BPIFA3: variants seen among roughly 807,000 people sequenced by gnomAD.
BPIFA3 encodes the protein BPI fold containing family A member 3.
In BPIFA3, 32 loss-of-function variants were observed where a neutral mutation model predicts 29.7. The observed-to-expected ratio is 1.08, with a 90% CI of 0.81 to 1.45. The LOEUF (loss-of-function observed/expected upper bound fraction) is 1.45, where lower values mean the gene tolerates loss of function less well. Among genes scored for constraint, BPIFA3 ranks in the 40% most tolerant of loss-of-function variants. The pLI, the probability that BPIFA3 is intolerant of heterozygous loss-of-function variation, is 0.00. For missense variants in BPIFA3, 323 were observed against 311.3 expected, an observed-to-expected ratio of 1.04 and a Z score of -0.28; for synonymous variants, 112 against 113.7, an observed-to-expected ratio of 0.98 and a Z score of 0.10.
chr20:33,224,499 C>A (rs753757341), intron 3 of BPIFA3, 37 bp downstream of exon 3: 2 of 1,506,036 alleles, frequency 1.3e-6, no homozygotes, highest in East Asian at 2.3e-5. Context: ...GAGGTGCTGG[C>A]CCTCCTCGCA....
At chr20:33,225,427 C>A in intron 4 of BPIFA3, 180 bp downstream of exon 4, 1 of 765,014 alleles carries the variant, frequency 1.3e-6, no homozygotes, top group African/African-American at 1.8e-5. Flanking sequence ...AGAAGCCAGA[C>A]TCTTCTCCCT....
chr20:33,223,746 G>A lies in BPIFA3; in HGVS notation c.128-65G>A, dbSNP rs541528581. On this transcript the variant is annotated intron_variant, in intron 1 of 6. Coordinates refer to ENST00000375454, the MANE Select transcript of BPIFA3 (RefSeq NM_178466.5). Reference sequence around the variant, plus strand: ...GCACCAGCCTGCAACCCAGGCCTCCGAATCCCAAGCCCCCCACCTTTTCCG... The same window carrying A: ...GCACCAGCCTGCAACCCAGGCCTCCAAATCCCAAGCCCCCCACCTTTTCCG... 3.2e-4 allele frequency: 492 copies of A among 1,557,276 alleles called. 2 individuals carry two copies. In the African/African-American group the frequency reaches 4.5e-3, roughly 14 times the overall value.
chr20:33,224,288 C>A, intron 2 of BPIFA3, 67 bp from the exon 3 acceptor site: 1 of 1,303,024 alleles, frequency 7.7e-7, no homozygotes, highest in Non-Finnish European at 1.1e-6. Context: ...CCTTGTTTCT[C>A]AGCAGGAAGC....
chr20:33,222,797 A>G (rs1985591080), intron 1 of BPIFA3, among the ~76,000 whole-genome samples: 1 of 152,188 alleles, frequency 6.6e-6, no homozygotes, highest in Non-Finnish European at 1.5e-5. Flanking sequence ...AAGAACTACT[A>G]AGAGTTCTGG....
chr20:33,223,026 A>C (rs538269600), intron 1 of BPIFA3, among the ~76,000 whole-genome samples: 1 of 152,284 alleles, frequency 6.6e-6, no homozygotes, highest in African/African-American at 2.4e-5. Context: ...AGAAGCCAAG[A>C]CCCAGGGAGA....
intron 4 of BPIFA3, chr20:33,226,175 T>C: frequency 2.1e-6 from 1 of 465,446 alleles, no homozygotes; most frequent in East Asian, 4.3e-5. Flanking sequence ...AGGGAAAGAC[T>C]CTGGAATCTG....
At chr20:33,222,635 A>AATGG (rs34210730) in intron 1 of BPIFA3, among the ~76,000 whole-genome samples, 48,652 of 104,138 alleles carry the variant, frequency 0.47, 13,015 homozygotes, top group African/African-American at 0.48. Flanking sequence ...TGAGCGGATG[A>AATGG]ATGGATGGAT....
intron 4 of BPIFA3, 36 bp from the exon 5 acceptor site, chr20:33,226,370 C>CTCTGT (rs1985777992): frequency 6.8e-7 from 1 of 1,473,340 alleles, no homozygotes; most frequent in Non-Finnish European, 9.5e-7. Flanking sequence ...GCCTGGATTG[C>CTCTGT]TCTGTTCTGT....
At chr20:33,222,846 T>C (rs906184003) in intron 1 of BPIFA3, among the ~76,000 whole-genome samples, 1 of 152,218 alleles carries the variant, frequency 6.6e-6, no homozygotes, top group Non-Finnish European at 1.5e-5. Context: ...AAACTATTTG[T>C]TTAATATATT....
chr20:33,218,711 T>G (rs964886898), intron 1 of BPIFA3, among the ~76,000 whole-genome samples: 13 of 152,094 alleles, frequency 8.5e-5, no homozygotes, highest in Admixed American at 5.9e-4. Context: ...CGTTTAACCT[T>G]AATTAGCTCT....
chr20:33,226,322 G>T, intron 4 of BPIFA3, 84 bp from the exon 5 acceptor site: 1 of 989,488 alleles, frequency 1.0e-6, no homozygotes, highest in East Asian at 2.4e-5. Context: ...AAAGACTGTG[G>T]AAAGTATACT....
intron 1 of BPIFA3, among the ~76,000 whole-genome samples, chr20:33,221,144 G>A (rs6057768): frequency 0.13 from 19,657 of 146,328 alleles, 4,262 homozygotes; most frequent in African/African-American, 0.46. Flanking sequence ...ATGATGTACT[G>A]TTAGATTTTT....
At chr20:33,225,392 TCCGTGATGA>T (rs1358640603) in intron 4 of BPIFA3, 145 bp downstream of exon 4, 1 of 1,183,108 alleles carries the variant, frequency 8.5e-7, no homozygotes, top group African/African-American at 1.5e-5. Flanking sequence ...CATGTTCCCA[TCCGTGATGA>T]CCCTACCACC....
chr20:33,226,988 T>C lies in BPIFA3; in HGVS notation c.680T>C (p.Leu227Pro). Residue 227 changes from leucine to proline, a missense_variant, in exon 6 of 7, where the codon CTC (leucine) becomes CCC (proline). By Grantham distance (98) the Leu-to-Pro change is moderately conservative. Transcript: ENST00000375454. Reference protein sequence around the residue: ...GQLDVKLLKSLIEQEAAHEPT... With the variant: ...GQLDVKLLKSPIEQEAAHEPT... Reference sequence around the variant, plus strand: ...CTGGATGTGAAACTGTTGAAAAGCCTCATAGGTGAGTGTCTGGTCCATCCA... The same window carrying C: ...CTGGATGTGAAACTGTTGAAAAGCCCCATAGGTGAGTGTCTGGTCCATCCA... 1 of 1,613,618 alleles carries C rather than the reference T, an allele frequency of 6.2e-7. No homozygotes were observed. The highest frequency in any genetic ancestry group is 1.1e-5 in the South Asian group (1 of 91,072).
chr20:33,227,124 G>A (rs529235189), intron 6 of BPIFA3, 131 bp downstream of exon 6: 383 of 756,774 alleles, frequency 5.1e-4, no homozygotes, highest in Non-Finnish European at 7.8e-4. Flanking sequence ...CACTTTAGAG[G>A]TGACCATATT....
chr20:33,218,798 C>T (rs1600624575), intron 1 of BPIFA3, among the ~76,000 whole-genome samples: 1 of 146,558 alleles, frequency 6.8e-6, no homozygotes, highest in East Asian at 2.0e-4. Context: ...TATTTTTCTA[C>T]TTTTTTTTTT....
At chr20:33,218,012 A>G (rs1276860480) in intron 1 of BPIFA3, among the ~76,000 whole-genome samples, 1 of 152,188 alleles carries the variant, frequency 6.6e-6, no homozygotes, top group African/African-American at 2.4e-5. Flanking sequence ...CAGTACTTTA[A>G]TTTACATAAA....
chr20:33,225,423 C>T (rs1985739466), intron 4 of BPIFA3, 176 bp downstream of exon 4: 2 of 820,392 alleles, frequency 2.4e-6, no homozygotes, highest in Non-Finnish European at 1.9e-6. Context: ...TCCCAGAAGC[C>T]AGACTCTTCT....
In BPIFA3 at chr20:33,225,133, A is replaced by C. The variant is rs756862181; in HGVS notation, c.422A>C (p.His141Pro). The C allele has an allele frequency of 1.9e-6, 3 of 1,614,186 alleles. No homozygotes were observed. Among genetic ancestry groups the C allele is most frequent in the Non-Finnish European group, 2.5e-6 (3 of 1,180,028 alleles). ...FDNNIVKMCA[H>P]MSIVVEFWLE... ...AACAACATCGTAAAGATGTGTGCAC[A>C]TATGAGCATCGTTGTGGAGTTCTGG... Residue 141 changes from histidine to proline, a missense_variant, in exon 4 of 7, where the codon CAT becomes CCT. Physicochemically the swap from His to Pro is moderately conservative, Grantham distance 77. Transcript: ENST00000375454.
Sources: allele counts gnomAD v4.1 joint callset (sites outside exome capture counted in the v4.1 genomes callset), GRCh38; gene constraint gnomAD v4.1.1; transcripts MANE v1.5; gene names NCBI Gene and HGNC (gene_info 2026-07-23, HGNC 2026-07-21).